Variants in SYNPR observed in about 807,000 individuals in gnomAD.
SYNPR encodes synaptoporin.
SYNPR carries 23 observed loss-of-function variants against 32.9 expected under a neutral mutation model. That is an observed-to-expected ratio of 0.70 (90% CI 0.50 to 0.99). The LOEUF (loss-of-function observed/expected upper bound fraction) is 0.99, where lower values mean the gene tolerates loss of function less well. SYNPR is among the 50% of genes least tolerant of loss of function. The pLI, the probability that SYNPR is intolerant of heterozygous loss-of-function variation, is 0.00. For missense variants in SYNPR, 318 were observed against 349.3 expected (o/e 0.91, Z 0.71); for synonymous variants, 146 against 135.9 (o/e 1.07, Z -0.52).
intron 4 of SYNPR, among the ~76,000 whole-genome samples, chr3:63,578,467 G>C (rs924095048): frequency 3.3e-5 from 5 of 152,142 alleles, no homozygotes; most frequent in Admixed American, 1.3e-4. Context: ...GCAAAGAGTT[G>C]AGGGGTGGAT....
the SYNPR span, among the ~76,000 whole-genome samples, chr3:63,206,565 A>G: frequency 5.3e-5 from 8 of 152,324 alleles, no homozygotes; most frequent in African/African-American, 1.4e-4. Flanking sequence ...TGTCTCAAAA[A>G]AAAAGAAAAG....
intron 1 of SYNPR, among the ~76,000 whole-genome samples, chr3:63,244,537 AAC>A (rs768484566): frequency 2.7e-4 from 41 of 152,190 alleles, no homozygotes; most frequent in Non-Finnish European, 4.9e-4. Context: ...TCTATTCTTT[AAC>A]TCATCCAACT....
At position 63,327,272 on chromosome 3, in the gene SYNPR, T is replaced by C. The variant is rs1378227757; in HGVS notation, c.84+48530T>C. Among the ~76,000 whole-genome samples, 3 of 152,278 alleles carry C rather than the reference T, an allele frequency of 2.0e-5. No individual in the cohort carries two copies. The East Asian group carries it at 5.8e-4, about 29-fold the overall frequency. ...GGATATAGAACAACTAGAACTTTTT[T>C]ACACTGTTGGTAGGAGTGTAAATTG... On this transcript the variant is annotated intron_variant, in intron 2 of 5. Coordinates refer to ENST00000478300, the MANE Select transcript of SYNPR (RefSeq NM_001130003.2).
intron 2 of SYNPR, among the ~76,000 whole-genome samples, chr3:63,315,167 G>A (rs765794941): frequency 1.5e-4 from 22 of 151,310 alleles, no homozygotes; most frequent in African/African-American, 3.4e-4. Context: ...ATCAGGTAGC[G>A]TGATGCTTCC....
chr3:63,513,485 T>C (rs1053479532), intron 3 of SYNPR, among the ~76,000 whole-genome samples: 1 of 152,164 alleles, frequency 6.6e-6, no homozygotes, highest in Non-Finnish European at 1.5e-5. Flanking sequence ...CATGGTATTA[T>C]AGGATAGATG....
chr3:63,527,842 T>A, intron 3 of SYNPR, among the ~76,000 whole-genome samples: 1 of 152,184 alleles, frequency 6.6e-6, no homozygotes, highest in Non-Finnish European at 1.5e-5. Flanking sequence ...TTTTTTAAAG[T>A]TGGTGTGATG....
At chr3:63,206,481 A>ACC in the SYNPR span, among the ~76,000 whole-genome samples, 1 of 152,106 alleles carries the variant, frequency 6.6e-6, no homozygotes, top group Admixed American at 6.5e-5. Context: ...GAATGGCTTG[A>ACC]GCCCAGGAGG....
At chr3:63,476,457 C>T (rs959059965) in intron 2 of SYNPR, among the ~76,000 whole-genome samples, 4 of 152,106 alleles carry the variant, frequency 2.6e-5, no homozygotes, top group Non-Finnish European at 4.4e-5. Flanking sequence ...ATCACCTACT[C>T]TGCTTTGGTA....
At position 63,589,448 on chromosome 3, in the gene SYNPR, T is replaced by C. The variant is rs188060010; in HGVS notation, c.409-19677T>C. On this transcript the variant is annotated intron_variant, in intron 4 of 5. Transcript: ENST00000478300. ...GACCTGGCACCTGGTAGATTCTCAATAGAGATTTGCTAAATAAATGAGTAA... is the reference window on the plus strand; with the variant it reads ...GACCTGGCACCTGGTAGATTCTCAACAGAGATTTGCTAAATAAATGAGTAA... Among the ~76,000 whole-genome samples the C allele has an allele frequency of 1.1e-3, 165 of 152,240 alleles. 1 individual carries two copies. The highest frequency in any genetic ancestry group is 3.8e-3 in the African/African-American group (157 of 41,568).
At chr3:63,399,310 G>A (rs2088258606) in intron 2 of SYNPR, among the ~76,000 whole-genome samples, 1 of 152,226 alleles carries the variant, frequency 6.6e-6, no homozygotes, top group Non-Finnish European at 1.5e-5. Flanking sequence ...ATTCTCTCAT[G>A]AAGAGATGGC....
intron 4 of SYNPR, among the ~76,000 whole-genome samples, chr3:63,570,242 T>C (rs1280280443): frequency 6.6e-6 from 1 of 152,128 alleles, no homozygotes; most frequent in East Asian, 1.9e-4. Flanking sequence ...AAGGAAAGAA[T>C]TGATGACATT....
At chr3:63,580,570 T>C (rs1703073019) in intron 4 of SYNPR, among the ~76,000 whole-genome samples, 1 of 152,124 alleles carries the variant, frequency 6.6e-6, no homozygotes, top group African/African-American at 2.4e-5. Flanking sequence ...TCAGCCTTTT[T>C]TAACACAGTG....
At chr3:63,335,671 C>G (rs1016346419) in intron 2 of SYNPR, among the ~76,000 whole-genome samples, 1 of 151,688 alleles carries the variant, frequency 6.6e-6, no homozygotes, top group Non-Finnish European at 1.5e-5. Context: ...GTACTTCTGT[C>G]TGGCCACTGT....
chr3:63,496,416 A>G (rs1350200859), intron 3 of SYNPR, among the ~76,000 whole-genome samples: 1 of 152,128 alleles, frequency 6.6e-6, no homozygotes, highest in Non-Finnish European at 1.5e-5. Flanking sequence ...ATCATAGTTT[A>G]TGATGCCAGT....
intron 2 of SYNPR, among the ~76,000 whole-genome samples, chr3:63,391,169 CT>C (rs2088129173): frequency 6.6e-6 from 1 of 152,192 alleles, no homozygotes; most frequent in Admixed American, 6.5e-5. Context: ...CTTAGCCAGG[CT>C]TGAGAATGGA....
chr3:63,479,001 A>G (rs1027660961), intron 2 of SYNPR, among the ~76,000 whole-genome samples: 4 of 152,168 alleles, frequency 2.6e-5, no homozygotes, highest in African/African-American at 9.7e-5. Context: ...GGAGTAAGCA[A>G]GTCCACACCA....
intron 2 of SYNPR, among the ~76,000 whole-genome samples, chr3:63,299,016 T>C (rs1421590663): frequency 7.9e-5 from 12 of 152,194 alleles, no homozygotes. Flanking sequence ...CTGACACACA[T>C]AGACAACAGA....
intron 1 of SYNPR, among the ~76,000 whole-genome samples, chr3:63,251,643 T>C (rs1393500311): frequency 1.3e-5 from 2 of 152,060 alleles, no homozygotes; most frequent in Non-Finnish European, 2.9e-5. Context: ...AACGTAGACA[T>C]ATCAAAGAGA....
At chr3:63,380,781 C>A (rs1442032228) in intron 2 of SYNPR, among the ~76,000 whole-genome samples, 2 of 152,096 alleles carry the variant, frequency 1.3e-5, no homozygotes, top group African/African-American at 4.8e-5. Flanking sequence ...CCAGCATATA[C>A]ACAGAACCAA....
Sources: gnomAD v4.1 joint callset for allele counts (sites outside exome capture counted in the v4.1 genomes callset) on GRCh38, gnomAD v4.1.1 for gene constraint, MANE v1.5 for transcripts, NCBI Gene and HGNC (gene_info 2026-07-23, HGNC 2026-07-21) for gene names.